The following TANGO6 variants were observed in gnomAD, a reference collection of about 807,000 sequenced individuals.
The protein encoded by TANGO6 is transport and Golgi organization protein 6 homolog.
In TANGO6, 90 loss-of-function variants were observed where a neutral mutation model predicts 114.2. The ratio of observed to expected loss-of-function variants is 0.79; its 90% CI spans 0.66 to 0.94. The LOEUF is 0.94. Among genes scored for constraint, TANGO6 ranks in the 40% least tolerant of loss-of-function variants. The pLI, the probability that TANGO6 is intolerant of heterozygous loss-of-function variation, is 0.00. For synonymous variants in TANGO6, 477 were observed against 509.8 expected, an observed-to-expected ratio of 0.94 and a Z score of 0.87; for missense variants, 1,274 against 1,315.3, an observed-to-expected ratio of 0.97 and a Z score of 0.49.
At chr16:68,940,480 G>A (rs1324323615) in intron 14 of TANGO6, among the ~76,000 whole-genome samples, 4 of 152,084 alleles carry the variant, frequency 2.6e-5, no homozygotes, top group African/African-American at 9.7e-5. Flanking sequence ...CATGATATGT[G>A]GAGTCTTGTT....
intron 17 of TANGO6, among the ~76,000 whole-genome samples, chr16:69,045,108 A>G (rs1353218237): frequency 6.9e-6 from 1 of 145,818 alleles, no homozygotes; most frequent in South Asian, 2.2e-4. Context: ...GTGAGCTGAG[A>G]TTGTGCCACT....
At chr16:68,930,667 G>A (rs1473323867) in intron 14 of TANGO6, among the ~76,000 whole-genome samples, 1 of 137,326 alleles carries the variant, frequency 7.3e-6, no homozygotes, top group African/African-American at 2.8e-5. Context: ...ACAGAGTCTC[G>A]CTCTGTCACC....
chr16:68,961,332 T>C (rs546210908), intron 14 of TANGO6, among the ~76,000 whole-genome samples: 39 of 152,366 alleles, frequency 2.6e-4, no homozygotes, highest in African/African-American at 9.1e-4. Flanking sequence ...TGACTGAGCA[T>C]GCGGGTTTGC....
At chr16:68,898,435 C>T (rs1447424653) in intron 7 of TANGO6, among the ~76,000 whole-genome samples, 1 of 152,138 alleles carries the variant, frequency 6.6e-6, no homozygotes, top group African/African-American at 2.4e-5. Context: ...ACGTTGATTC[C>T]TACTTCAAAA....
chr16:68,860,580 A>G, intron 2 of TANGO6, 56 bp downstream of exon 2: 13 of 1,570,492 alleles, frequency 8.3e-6, no homozygotes, highest in Non-Finnish European at 1.0e-5. Flanking sequence ...GAATGTGTGT[A>G]TATATTTGTG....
At chr16:68,948,024 G>GATATATATATAT (rs112762612) in intron 14 of TANGO6, among the ~76,000 whole-genome samples, 132 of 147,674 alleles carry the variant, frequency 8.9e-4, no homozygotes, top group East Asian at 5.0e-3. Flanking sequence ...CAGTGCAGCT[G>GATATATATATAT]ATATATATAT....
intron 14 of TANGO6, among the ~76,000 whole-genome samples, chr16:68,947,672 C>T (rs887953335): frequency 4.2e-5 from 4 of 94,862 alleles, no homozygotes; most frequent in Non-Finnish European, 9.0e-5. Context: ...GCTCACTGCA[C>T]GCTCTGCCTC....
chr16:69,033,451 A>G (rs999726696), intron 16 of TANGO6, among the ~76,000 whole-genome samples: 4 of 152,316 alleles, frequency 2.6e-5, no homozygotes, highest in Admixed American at 2.0e-4. Flanking sequence ...TGTGAAACGC[A>G]GAGGAGTAAA....
intron 11 of TANGO6, among the ~76,000 whole-genome samples, chr16:68,911,632 G>C (rs1157404751): frequency 1.3e-5 from 2 of 151,988 alleles, no homozygotes; most frequent in African/African-American, 4.8e-5. Flanking sequence ...GGCCAGGTTG[G>C]TCTTGAACTC....
At chr16:68,876,440 C>T (rs1472910275) in intron 5 of TANGO6, among the ~76,000 whole-genome samples, 1 of 151,982 alleles carries the variant, frequency 6.6e-6, no homozygotes, top group Non-Finnish European at 1.5e-5. Context: ...GGATTATAGG[C>T]GTGAGCCACC....
chr16:68,969,350 A>G (rs1209806210), intron 14 of TANGO6, among the ~76,000 whole-genome samples: 2 of 152,178 alleles, frequency 1.3e-5, no homozygotes, highest in Non-Finnish European at 2.9e-5. Flanking sequence ...CGAAATAAAT[A>G]AAAACAAGCA....
At chr16:69,025,508 C>T (rs993653312) in intron 16 of TANGO6, among the ~76,000 whole-genome samples, 1 of 152,150 alleles carries the variant, frequency 6.6e-6, no homozygotes, top group Admixed American at 6.5e-5. Flanking sequence ...AGGCGGGCCC[C>T]ACAGTATAGA....
At chr16:69,061,675 C>T (rs1367406195) in intron 17 of TANGO6, among the ~76,000 whole-genome samples, 1 of 152,130 alleles carries the variant, frequency 6.6e-6, no homozygotes, top group Non-Finnish European at 1.5e-5. Context: ...AATGCTTGCT[C>T]CCAGCCAAGG....
At chr16:68,963,549 A>T (rs1963615360) in intron 14 of TANGO6, among the ~76,000 whole-genome samples, 1 of 152,170 alleles carries the variant, frequency 6.6e-6, no homozygotes, top group East Asian at 1.9e-4. Context: ...ACCTCTCTTG[A>T]TTTAAAAAAT....
intron 14 of TANGO6, among the ~76,000 whole-genome samples, chr16:68,953,208 T>C (rs1009635764): frequency 1.3e-5 from 2 of 151,916 alleles, no homozygotes; most frequent in African/African-American, 4.8e-5. Flanking sequence ...CTCGGCTTCC[T>C]GAGTAACTGG....
chr16:68,941,660 C>T (rs1236024809), intron 14 of TANGO6, among the ~76,000 whole-genome samples: 2 of 151,786 alleles, frequency 1.3e-5, no homozygotes, highest in Non-Finnish European at 2.9e-5. Context: ...GTGGGAGAAT[C>T]ACTTGAACCT....
chr16:68,980,435 A>ATATTTTTTT (rs1317961639), intron 15 of TANGO6, among the ~76,000 whole-genome samples: 3 of 61,808 alleles, frequency 4.9e-5, no homozygotes, highest in African/African-American at 7.2e-5. Context: ...ATATATATAT[A>ATATTTTTTT]TTTTTTTTTT....
chr16:69,061,780 G>A (rs1283017693), intron 17 of TANGO6, among the ~76,000 whole-genome samples: 1 of 152,160 alleles, frequency 6.6e-6, no homozygotes, highest in African/African-American at 2.4e-5. Context: ...AGCACTTTGG[G>A]AGGCCGAGGC....
intron 15 of TANGO6, among the ~76,000 whole-genome samples, chr16:69,012,582 A>AAAAAAAAGG (rs1964153732): frequency 3.3e-5 from 4 of 120,168 alleles, no homozygotes; most frequent in African/African-American, 1.4e-4. Flanking sequence ...AAAAAAAGGA[A>AAAAAAAAGG]AAAAAAAAAA....
Sources: allele counts gnomAD v4.1 joint callset (sites outside exome capture counted in the v4.1 genomes callset), GRCh38; gene constraint gnomAD v4.1.1; transcripts MANE v1.5; gene names NCBI Gene and HGNC (gene_info 2026-07-23, HGNC 2026-07-21).